Variants in SMARCA4 observed in about 807,000 individuals in gnomAD.
SMARCA4 encodes the protein SWI/SNF-related matrix-associated actin-dependent regulator of chromatin subfamily A member 4.
In SMARCA4, 31 loss-of-function variants were observed where a neutral mutation model predicts 193.9. The observed-to-expected ratio is 0.16, with a 90% CI of 0.12 to 0.22. The LOEUF (loss-of-function observed/expected upper bound fraction) is 0.22. Among genes scored for constraint, SMARCA4 ranks in the 10% least tolerant of loss-of-function variants. The pLI, the probability that SMARCA4 is intolerant of heterozygous loss-of-function variation, is 1.00. For synonymous variants in SMARCA4, 942 were observed against 933.1 expected (o/e 1.01, Z -0.17); for missense variants, 1,148 against 2,296.0 (o/e 0.50, Z 10.22).
At chr19:11,021,691 C>T (rs2146413128) in intron 18 of SMARCA4, 34 bp from the exon 19 acceptor site, 3 of 1,586,552 alleles carry the variant, frequency 1.9e-6, no homozygotes, top group Non-Finnish European at 2.6e-6. Flanking sequence ...CACCTGCTGC[C>T]CCCTGCCCTG....
At chr19:11,059,996 G>A (rs2147121345) in intron 33 of SMARCA4, 49 bp from the exon 34 acceptor site, 1 of 1,607,158 alleles carries the variant, frequency 6.2e-7, no homozygotes, top group Non-Finnish European at 8.5e-7. Flanking sequence ...CTGTGGGGGT[G>A]CTGCATTCCC....
chr19:11,055,212 CAG>C (rs1005692142), intron 30 of SMARCA4, among the ~76,000 whole-genome samples: 15 of 152,096 alleles, frequency 9.9e-5, no homozygotes, highest in African/African-American at 3.6e-4. Context: ...TTTTTTGAGA[CAG>C]AGTCTCACTC....
At chr19:10,995,909 G>T in intron 9 of SMARCA4, 2 of 454,040 alleles carry the variant, frequency 4.4e-6, no homozygotes, top group Non-Finnish European at 8.3e-6. Flanking sequence ...CTTGGACTTG[G>T]TGGAGAGAAG....
chr19:11,060,663 T>A lies in SMARCA4; in HGVS notation c.4911+476T>A, dbSNP rs568425127. 2.1e-3 allele frequency among the ~76,000 whole-genome samples: 321 copies of A among 152,322 alleles called. 5 individuals are homozygous for A. In the South Asian group the frequency reaches 0.025, roughly 12 times the overall value. On this transcript the variant is annotated intron_variant, in intron 34 of 34. Coordinates refer to ENST00000344626, the MANE Select transcript of SMARCA4 (RefSeq NM_003072.5). ...AGCCGGAGAAGATCCACTTGCTGGCTTTAAATAATCTCACCTCTGTCTCTG... is the reference window on the plus strand; with the variant it reads ...AGCCGGAGAAGATCCACTTGCTGGCATTAAATAATCTCACCTCTGTCTCTG...
At position 11,033,655 on chromosome 19, in the gene SMARCA4, G is replaced by A. The variant is rs2075079931; in HGVS notation, c.3775-112G>A. The A allele has an allele frequency of 3.8e-6, 3 of 782,004 alleles. No homozygotes were observed. Among genetic ancestry groups the A allele is most frequent in the Admixed American group, 1.9e-5 (1 of 53,616 alleles). The allele number at this position is 782,004 out of a possible 1,614,324, so 48.4% of individuals were successfully genotyped here. On this transcript the variant is annotated intron_variant, in intron 26 of 34. Coordinates refer to ENST00000344626, the MANE Select transcript of SMARCA4 (RefSeq NM_003072.5). The surrounding 1 kb of genome is among the most constrained non-coding windows in gnomAD (Gnocchi z 9.8). ...GGAGTAAAGGGAGTGTGGGCTGAAC[G>A]GAAAGAGGATGAGTACTTGCTTTTT...
At chr19:11,046,188 A>T (rs998646588) in intron 30 of SMARCA4, among the ~76,000 whole-genome samples, 1 of 150,032 alleles carries the variant, frequency 6.7e-6, no homozygotes, top group African/African-American at 2.5e-5. Flanking sequence ...GTGCCACTGC[A>T]CTCCAGCCTG....
chr19:11,013,577 G>A (rs183985340), intron 16 of SMARCA4, among the ~76,000 whole-genome samples: 46 of 152,204 alleles, frequency 3.0e-4, no homozygotes, highest in Middle Eastern at 3.4e-3. Flanking sequence ...ATCAAGTGGG[G>A]GCATGACTGT....
At chr19:11,000,079 T>A (rs986221558) in intron 11 of SMARCA4, among the ~76,000 whole-genome samples, 21 of 151,832 alleles carry the variant, frequency 1.4e-4, no homozygotes, top group African/African-American at 5.1e-4. Context: ...TACAAAAAAT[T>A]AGCCAGGTGT....
Position 10,996,193 on chromosome 19 carries a change from T to TA in SMARCA4, c.1594-18dup, listed in dbSNP as rs778456116. On this transcript the variant is annotated intron_variant, in intron 9 of 34. Transcript: ENST00000344626. ...TGCACATTGTGCCACCACATTGCAGTAACCCCCATGCTTTTGTAGGCTGAA... is the reference window on the plus strand; with the variant it reads ...TGCACATTGTGCCACCACATTGCAGTAAACCCCCATGCTTTTGTAGGCTGAA... The TA allele has an allele frequency of 9.2e-5, 149 of 1,613,866 alleles. No homozygotes were observed. The highest frequency in any genetic ancestry group is 3.3e-4 in the Middle Eastern group (2 of 6,058).
In SMARCA4 at chr19:10,999,709, C is replaced by T. The variant is rs564048870; in HGVS notation, c.1812+3165C>T. 2.6e-5 allele frequency among the ~76,000 whole-genome samples: 4 copies of T among 152,276 alleles called. No homozygotes were observed. In the South Asian group the frequency reaches 8.3e-4, roughly 32 times the overall value. On this transcript the variant is annotated intron_variant, in intron 11 of 34. Coordinates refer to ENST00000344626, the MANE Select transcript of SMARCA4 (RefSeq NM_003072.5). Reference sequence around the variant, plus strand: ...ACTGACACCTCCAATTCTAATCCAACAGCACAGGGTTAATTTTTATCCTTT... The same window carrying T: ...ACTGACACCTCCAATTCTAATCCAATAGCACAGGGTTAATTTTTATCCTTT...
At position 11,041,063 on chromosome 19, in the gene SMARCA4, C is replaced by T; in HGVS notation, c.4171-244C>T. ...CTTTTTTTTTGGTCAAGAAATTCAA[C>T]CATTAGTTTTTTAAAGACAAGCTTG... is the stretch of plus-strand genomic sequence containing the variant. On this transcript the variant is annotated intron_variant, in intron 29 of 34. Coordinates refer to ENST00000344626, the MANE Select transcript of SMARCA4 (RefSeq NM_003072.5). This position sits in a 1 kb window ranked among gnomAD's most constrained non-coding sequence, Gnocchi z 5.6. The T allele has an allele frequency of 1.9e-6, 1 of 521,642 alleles. No individual in the cohort carries two copies. Among genetic ancestry groups the T allele is most frequent in the Non-Finnish European group, 3.4e-6 (1 of 295,466 alleles). 32.3% of individuals were successfully genotyped at this position (521,642 alleles called of 1,614,324 possible).
chr19:10,983,758 T>C (rs1006369135), intron 1 of SMARCA4: 6 of 316,660 alleles, frequency 1.9e-5, no homozygotes, highest in Non-Finnish European at 3.7e-5. Flanking sequence ...TGAGCTATAG[T>C]CCTGTTCTTT....
chr19:10,982,703 A>C (rs1004951695), intron 1 of SMARCA4, among the ~76,000 whole-genome samples: 6 of 151,776 alleles, frequency 4.0e-5, no homozygotes, highest in Admixed American at 3.9e-4. Context: ...ACAGGGTTTC[A>C]CCATGTTACC....
intron 25 of SMARCA4, chr19:11,032,666 CA>C (rs553090305): frequency 0.02 from 2,200 of 112,620 alleles, 13 homozygotes; most frequent in East Asian, 0.069. Flanking sequence ...GACTTTGTCT[CA>C]AAAAAAAAAA....
chr19:10,975,729 C>T (rs1005660444), intron 1 of SMARCA4, among the ~76,000 whole-genome samples: 1 of 152,180 alleles, frequency 6.6e-6, no homozygotes, highest in African/African-American at 2.4e-5. Flanking sequence ...CACTTCTAGA[C>T]CCTTTGGCCC....
Position 11,021,986 on chromosome 19 carries a change from G to A in SMARCA4, c.2859+19G>A. ...GGAAAAGGTGGGTTTGCCCAGCTGT[G>A]CCCATGCTGACGGTTCCAGGTGCGG... On this transcript the variant is annotated intron_variant, in intron 19 of 34. Coordinates refer to ENST00000344626, the MANE Select transcript of SMARCA4 (RefSeq NM_003072.5). 2 of 1,611,500 alleles carry A rather than the reference G, an allele frequency of 1.2e-6. No individual in the cohort carries two copies. Among genetic ancestry groups the A allele is most frequent in the Non-Finnish European group, 1.7e-6 (2 of 1,179,968 alleles).
intron 1 of SMARCA4, among the ~76,000 whole-genome samples, chr19:10,967,903 G>A (rs183114029): frequency 2.0e-5 from 3 of 148,714 alleles, no homozygotes; most frequent in African/African-American, 7.5e-5. Flanking sequence ...TTGAGACGGA[G>A]TCTTGCTTAG....
intron 30 of SMARCA4, among the ~76,000 whole-genome samples, chr19:11,051,868 C>T (rs544502327): frequency 1.3e-5 from 2 of 152,130 alleles, no homozygotes; most frequent in East Asian, 2.0e-4. Flanking sequence ...GAGGCTGAGG[C>T]GGGTGGATCA....
At chr19:11,008,368 T>C in intron 14 of SMARCA4, 1 of 358,932 alleles carries the variant, frequency 2.8e-6, no homozygotes, top group Non-Finnish European at 5.5e-6. Flanking sequence ...AGATGCTGTC[T>C]GCATTAGCAA....
Sources: allele counts gnomAD v4.1 joint callset (sites outside exome capture counted in the v4.1 genomes callset), GRCh38; gene constraint gnomAD v4.1.1; non-coding constraint Gnocchi (gnomAD v3.1); transcripts MANE v1.5; gene names NCBI Gene and HGNC (gene_info 2026-07-23, HGNC 2026-07-21).